Variants in CALN1 observed in about 807,000 individuals in gnomAD.
CALN1 encodes calneuron 1, also known as calcium-binding protein 8.
Under a neutral mutation model 30.6 loss-of-function variants are expected in CALN1, and 17 were observed. The observed-to-expected ratio is 0.56, with a 90% CI of 0.38 to 0.83. CALN1 has a LOEUF of 0.83. Among genes scored for constraint, CALN1 ranks in the 40% least tolerant of loss-of-function variants. The pLI is 0.00. For synonymous variants in CALN1, 156 were observed against 131.4 expected, an observed-to-expected ratio of 1.19 and a Z score of -1.28; for missense variants, 291 against 354.9, an observed-to-expected ratio of 0.82 and a Z score of 1.45.
intron 3 of CALN1, among the ~76,000 whole-genome samples, chr7:72,117,316 A>G (rs532054833): frequency 6.6e-6 from 1 of 152,318 alleles, no homozygotes; most frequent in East Asian, 1.9e-4. Flanking sequence ...TTGAGTTAAA[A>G]TAAGGGGACT....
intron 3 of CALN1, among the ~76,000 whole-genome samples, chr7:72,163,404 A>C (rs1264602112): frequency 1.3e-5 from 2 of 151,374 alleles, no homozygotes; most frequent in Non-Finnish European, 1.5e-5. Context: ...AAAAAAAAAA[A>C]AAAAAACAGA....
intron 3 of CALN1, among the ~76,000 whole-genome samples, chr7:72,196,135 CA>C (rs796480242): frequency 8.6e-5 from 13 of 150,536 alleles, no homozygotes; most frequent in African/African-American, 2.9e-4. Flanking sequence ...TTTTTTTAGA[CA>C]GGGTCTCGCT....
chr7:72,271,575 A>AAAAAAAATATATAT, intron 3 of CALN1, among the ~76,000 whole-genome samples: 9 of 52,120 alleles, frequency 1.7e-4, no homozygotes, highest in African/African-American at 8.1e-4. Flanking sequence ...AAAAAAAAAA[A>AAAAAAAATATATAT]ATATATATAT....
At chr7:72,437,525 AGTGT>A (rs9297115) in intron 1 of CALN1, among the ~76,000 whole-genome samples, 1 of 150,636 alleles carries the variant, frequency 6.6e-6, no homozygotes, top group Non-Finnish European at 1.5e-5. Flanking sequence ...AGTTGTGTGG[AGTGT>A]GTGTGTGTGT....
intron 4 of CALN1, among the ~76,000 whole-genome samples, chr7:72,038,975 TTACTC>T (rs1409047625): frequency 1.3e-5 from 2 of 152,182 alleles, no homozygotes; most frequent in Non-Finnish European, 2.9e-5. Context: ...TGCTTTCACT[TTACTC>T]TATGGACTCA....
At position 71,899,858 on chromosome 7, in the gene CALN1, A is replaced by G. The variant is rs552622198; in HGVS notation, c.502-89366T>C. ...AGACGTTTGATTCTCTGGAAAAAAA[A>G]TGAGGTGAAATTCTCATCACATAAA... On this transcript the variant is annotated intron_variant, in intron 5 of 6. Transcript: ENST00000395275. Among the ~76,000 whole-genome samples the G allele has an allele frequency of 3.3e-5, 5 of 152,320 alleles. No homozygotes were observed. In the South Asian group the frequency reaches 8.3e-4, roughly 25 times the overall value.
upstream of CALN1, among the ~76,000 whole-genome samples, chr7:72,451,005 T>G (rs948128687): frequency 5.9e-5 from 9 of 152,028 alleles, no homozygotes; most frequent in Admixed American, 1.3e-4. Flanking sequence ...GTGGAAGCTC[T>G]GTGCCCCAGG....
chr7:71,831,884 A>AC (rs1562820450), intron 5 of CALN1, among the ~76,000 whole-genome samples: 1 of 149,660 alleles, frequency 6.7e-6, no homozygotes, highest in African/African-American at 2.4e-5. Context: ...AAAAAAAAAA[A>AC]AAAAAAAAAA....
intron 3 of CALN1, among the ~76,000 whole-genome samples, chr7:72,272,022 A>C (rs1032575927): frequency 6.7e-6 from 1 of 149,440 alleles, no homozygotes; most frequent in Non-Finnish European, 1.5e-5. Flanking sequence ...AGATCGTGCC[A>C]CCGCACTCCA....
rs367725464 is a variant in CALN1, at chr7:71,994,511, C to CAA, written c.501+29144_501+29145dup. Among the ~76,000 whole-genome samples, 375 of 42,382 alleles carry CAA rather than the reference C, an allele frequency of 8.8e-3. 2 individuals are homozygous for CAA. Among genetic ancestry groups the CAA allele is most frequent in the Middle Eastern group, 0.013 (1 of 80 alleles). 27.8% of individuals were successfully genotyped at this position (42,382 alleles called of 152,430 possible). Reference sequence around the variant, plus strand: ...TGGGCGACAGAGCAAGACTTCATCTCAAAAAAAAAAAAAAAAAAAAAACAG... The same window carrying CAA: ...TGGGCGACAGAGCAAGACTTCATCTCAAAAAAAAAAAAAAAAAAAAAAAACAG... On this transcript the variant is annotated intron_variant, in intron 5 of 6. Coordinates refer to ENST00000395275, the MANE Select transcript of CALN1 (RefSeq NM_031468.4).
intron 2 of CALN1, among the ~76,000 whole-genome samples, chr7:72,380,577 G>A (rs982191292): frequency 1.3e-5 from 2 of 152,132 alleles, no homozygotes; most frequent in African/African-American, 4.8e-5. Flanking sequence ...GGCGGTGACC[G>A]TGTCTGTTTT....
rs180829728 is a variant in CALN1 at position 72,430,011 on chromosome 7, G to A, written c.-226+17031C>T. Reference sequence around the variant, plus strand: ...ATTCTTTGTCCTTTTAGTAGAGACAGGGTTTCACCTTGTTGGCCAGGCTGG... The same window carrying A: ...ATTCTTTGTCCTTTTAGTAGAGACAAGGTTTCACCTTGTTGGCCAGGCTGG... On this transcript the variant is annotated intron_variant, in intron 1 of 6. Coordinates refer to the CALN1 transcript ENST00000395276. 4.2e-3 allele frequency among the ~76,000 whole-genome samples: 634 copies of A among 150,926 alleles called. 4 individuals are homozygous for A. The highest frequency in any genetic ancestry group is 0.015 in the African/African-American group (607 of 41,352).
chr7:72,418,962 A>C (rs1807518378), intron 1 of CALN1, among the ~76,000 whole-genome samples: 1 of 152,100 alleles, frequency 6.6e-6, no homozygotes, highest in African/African-American at 2.4e-5. Flanking sequence ...GCTACAGTGA[A>C]CTATGATCAT....
At chr7:72,356,938 T>C (rs1803268744) in intron 2 of CALN1, among the ~76,000 whole-genome samples, 1 of 151,982 alleles carries the variant, frequency 6.6e-6, no homozygotes, top group South Asian at 2.1e-4. Flanking sequence ...AAACCAACAC[T>C]TCTAAGCTTT....
At chr7:72,207,170 T>A (rs1791948376) in intron 3 of CALN1, among the ~76,000 whole-genome samples, 2 of 152,220 alleles carry the variant, frequency 1.3e-5, no homozygotes, top group South Asian at 4.1e-4. Context: ...CTGGTCTTTC[T>A]ACATTTACGC....
chr7:71,941,185 A>T (rs988623556), intron 5 of CALN1, among the ~76,000 whole-genome samples: 2 of 150,086 alleles, frequency 1.3e-5, no homozygotes, highest in Non-Finnish European at 3.0e-5. Flanking sequence ...CATCTCTACT[A>T]AAAAAAATAC....
intron 2 of CALN1, among the ~76,000 whole-genome samples, chr7:72,289,869 C>T (rs1176472532): frequency 6.6e-6 from 1 of 151,186 alleles, no homozygotes; most frequent in Admixed American, 6.6e-5. Flanking sequence ...GGTGGGAGCC[C>T]GGAGTTCAAG....
chr7:72,130,846 A>G (rs537241542), intron 3 of CALN1, among the ~76,000 whole-genome samples: 1 of 151,866 alleles, frequency 6.6e-6, no homozygotes, highest in Non-Finnish European at 1.5e-5. Flanking sequence ...TTATTTTCCC[A>G]GTATTCCACA....
intron 2 of CALN1, among the ~76,000 whole-genome samples, chr7:72,306,112 C>T (rs9886138): frequency 6.6e-6 from 1 of 152,252 alleles, no homozygotes; most frequent in East Asian, 1.9e-4. Context: ...TATATCATGA[C>T]TTACTTTCCA....
Sources: gnomAD v4.1 joint callset for allele counts (sites outside exome capture counted in the v4.1 genomes callset) on GRCh38, gnomAD v4.1.1 for gene constraint, MANE v1.5 for transcripts, NCBI Gene and HGNC (gene_info 2026-07-23, HGNC 2026-07-21) for gene names.